Variants in IGDCC4 observed in about 807,000 individuals in gnomAD.
IGDCC4 encodes the protein likely ortholog of mouse neighbor of Punc E11.
IGDCC4 carries 72 observed loss-of-function variants against 116.6 expected under a neutral mutation model. The observed-to-expected ratio is 0.62, with a 90% confidence interval of 0.51 to 0.75. IGDCC4 has a LOEUF of 0.75. Ranked by LOEUF, IGDCC4 falls within the 30% of genes least tolerant of loss-of-function variation. The pLI is 0.00. For missense variants in IGDCC4, 1,501 were observed against 1,662.4 expected (o/e 0.90, Z 1.69); for synonymous variants, 709 against 719.9 (o/e 0.98, Z 0.24).
chr15:65,396,261 G>T (rs753625400), intron 6 of IGDCC4, 98 bp from the exon 7 acceptor site: 3 of 1,073,262 alleles, frequency 2.8e-6, no homozygotes, highest in Admixed American at 3.6e-5. Context: ...GCCCTCCCTC[G>T]CTCCCCTTCC....
In IGDCC4 at chr15:65,411,251, C is replaced by T. The variant is rs949337865; in HGVS notation, c.190G>A (p.Ala64Thr). ...VLNCSLGAAA[A>T]GPPTRVTWSK... ...CAGGTCACCCTGGTGGGGGGTCCAGCGGCAGCAGCCCCCAGGCTACAGTTT... is the reference window on the plus strand; with the variant it reads ...CAGGTCACCCTGGTGGGGGGTCCAGTGGCAGCAGCCCCCAGGCTACAGTTT... The change falls in exon 2 of 20, where the codon GCT becomes ACT. Residue 64 changes from alanine to threonine, a missense_variant. By Grantham distance (58) the Ala-to-Thr change is moderately conservative (BLOSUM62 0). This residue lies in a region of IGDCC4 where 898 missense variants were observed against 978.9 expected (regional missense o/e 0.92). Transcript: ENST00000352385. The T allele has an allele frequency of 8.7e-6, 14 of 1,613,974 alleles. No homozygotes were observed. Among genetic ancestry groups the T allele is most frequent in the East Asian group, 2.2e-5 (1 of 44,896 alleles).
chr15:65,390,529 C>T (rs1324419283), intron 12 of IGDCC4, among the ~76,000 whole-genome samples, 191 bp from the exon 13 acceptor site: 1 of 152,172 alleles, frequency 6.6e-6, no homozygotes, highest in Non-Finnish European at 1.5e-5. Context: ...CTGTGGAACA[C>T]TAGTCTGTAA....
chr15:65,389,254 G>A lies in IGDCC4; in HGVS notation c.2536+30C>T, dbSNP rs768664575. 2.5e-6 allele frequency: 4 copies of A among 1,606,026 alleles called. No homozygotes were observed. In the South Asian group the frequency reaches 4.4e-5, roughly 18 times the overall value. On this transcript the variant is annotated intron_variant, in intron 14 of 19. Coordinates refer to ENST00000352385, the MANE Select transcript of IGDCC4 (RefSeq NM_020962.3). Reference sequence around the variant, plus strand: ...CAAGAAGGAGTTGGGCAAAAGATGGGTTGGTGGCAAGGGGCTGGGAGCCAC... The same window carrying A: ...CAAGAAGGAGTTGGGCAAAAGATGGATTGGTGGCAAGGGGCTGGGAGCCAC...
chr15:65,414,704 T>G (rs1407277273), intron 1 of IGDCC4, among the ~76,000 whole-genome samples: 2 of 152,226 alleles, frequency 1.3e-5, no homozygotes, highest in African/African-American at 4.8e-5. Context: ...TACAGTGACA[T>G]GATCTCAGCT....
chr15:65,399,932 T>C (rs668850), intron 5 of IGDCC4, among the ~76,000 whole-genome samples: 100,991 of 152,058 alleles, frequency 0.66, 34,702 homozygotes, highest in African/African-American at 0.83. Context: ...CAAATGGAAA[T>C]AAAAATAACC....
chr15:65,396,242 C>T, intron 6 of IGDCC4, 79 bp from the exon 7 acceptor site: 1 of 1,287,920 alleles, frequency 7.8e-7, no homozygotes, highest in Non-Finnish European at 1.0e-6. Flanking sequence ...CCCAAGCCTG[C>T]CCCCCACCGC....
chr15:65,411,506 C>T (rs754889757), intron 1 of IGDCC4, 136 bp from the exon 2 acceptor site: 8 of 685,512 alleles, frequency 1.2e-5, no homozygotes, highest in African/African-American at 1.8e-5. Context: ...TCTCCCCTTA[C>T]TAACTGTGAC....
In IGDCC4 at chr15:65,392,262, C is replaced by A; in HGVS notation, c.1994G>T (p.Trp665Leu). ...CTCCTCCTCAGCCCCCACCTCCCGCCAATATAGTTTGTAGCCAGAGATCTG... is the reference window on the plus strand; with the variant it reads ...CTCCTCCTCAGCCCCCACCTCCCGCAAATATAGTTTGTAGCCAGAGATCTG... ...PTQISGYKLYWREVGAEEEAN... is the reference protein window; with the variant it reads ...PTQISGYKLYLREVGAEEEAN... Residue 665 changes from tryptophan (W) to leucine (L), a missense_variant, in exon 11 of 20, where the codon TGG (tryptophan) becomes TTG (leucine). Coordinates refer to ENST00000352385, the MANE Select transcript of IGDCC4 (RefSeq NM_020962.3). The A allele has an allele frequency of 6.2e-7, 1 of 1,610,562 alleles. No individual in the cohort carries two copies. The highest frequency in any genetic ancestry group is 8.5e-7 in the Non-Finnish European group (1 of 1,178,094).
chr15:65,397,013 C>T, intron 5 of IGDCC4, 24 bp from the exon 6 acceptor site: 1 of 1,569,004 alleles, frequency 6.4e-7, no homozygotes. Context: ...GGGAGACGCG[C>T]TGGAGGGGAC....
rs952208845 is a variant in IGDCC4, at chr15:65,386,437, A to G, written c.2951+114T>C. ...CCTTCATCCCAGAGTCCTGACTTTA[A>G]CGGGGCTCCTGGGAGTGCCAAGGGC... is the stretch of plus-strand genomic sequence containing the variant. On this transcript the variant is annotated intron_variant, in intron 17 of 19. Coordinates refer to ENST00000352385, the MANE Select transcript of IGDCC4 (RefSeq NM_020962.3). 21 of 872,440 alleles carry G rather than the reference A, an allele frequency of 2.4e-5. No individual in the cohort carries two copies. The African/African-American group carries it at 2.5e-4, about 10-fold the overall frequency. The allele number at this position is 872,440 out of a possible 1,614,324, so 54.0% of individuals were successfully genotyped here. A position where few individuals can be genotyped will look rare whatever the true frequency, so the allele number is the denominator to read the frequency against.
In IGDCC4 at chr15:65,388,544, G is replaced by A; in HGVS notation, c.2750C>T (p.Thr917Ile). ...SAEVHGLESDTRYFFKMGART... is the reference protein window; with the variant it reads ...SAEVHGLESDIRYFFKMGART... ...CGCCCCCATCTTGAAGAAGTACCGAGTGTCGCTCTCCAGGCCATGGACCTC... is the reference window on the plus strand; with the variant it reads ...CGCCCCCATCTTGAAGAAGTACCGAATGTCGCTCTCCAGGCCATGGACCTC... Residue 917 changes from threonine (T) to isoleucine (I), a missense_variant, in exon 16 of 20, where the codon ACT (threonine) becomes ATT (isoleucine). Thr to Ile is a moderately conservative substitution (Grantham distance 89). Transcript: ENST00000352385. The A allele has an allele frequency of 6.2e-7, 1 of 1,614,166 alleles. No homozygotes were observed. The highest frequency in any genetic ancestry group is 8.5e-7 in the Non-Finnish European group (1 of 1,180,034).
intron 12 of IGDCC4, 82 bp downstream of exon 12, chr15:65,391,798 C>A: frequency 7.8e-7 from 1 of 1,285,684 alleles, no homozygotes; most frequent in South Asian, 1.2e-5. Flanking sequence ...GCTCACCAGG[C>A]TGGCCCAAAG....
intron 4 of IGDCC4, 135 bp from the exon 5 acceptor site, chr15:65,401,081 G>A (rs1363042892): frequency 2.5e-5 from 28 of 1,130,264 alleles, no homozygotes; most frequent in African/African-American, 6.1e-5. Context: ...GATGGGGGAC[G>A]TAGCCATAAA....
chr15:65,398,799 G>C (rs2062953764), intron 5 of IGDCC4, among the ~76,000 whole-genome samples: 1 of 152,094 alleles, frequency 6.6e-6, no homozygotes, highest in Non-Finnish European at 1.5e-5. Context: ...GCTGAGGCAG[G>C]AGAATCGCTT....
chr15:65,384,752 T>G lies in IGDCC4; in HGVS notation c.3342+202A>C. On this transcript the variant is annotated intron_variant, in intron 19 of 19. Transcript: ENST00000352385. The surrounding 1 kb of genome is among the most constrained non-coding windows in gnomAD (Gnocchi z 4.9). ...TAGGTCTGGGTAGAGGAGGGGCTGT[T>G]TTCAACCCAGGTTGAAACAGGTTCC... 1.5e-6 allele frequency: 1 copy of G among 666,708 alleles called. No homozygotes were observed. Among genetic ancestry groups the G allele is most frequent in the Non-Finnish European group, 2.4e-6 (1 of 414,232 alleles). The allele number at this position is 666,708 out of a possible 1,614,324, so 41.3% of individuals were successfully genotyped here.
Position 65,422,882 on chromosome 15 carries a change from C to T in IGDCC4, c.-20G>A. 9.5e-7 allele frequency: 1 copy of T among 1,054,498 alleles called. No homozygotes were observed. Among genetic ancestry groups the T allele is most frequent in the South Asian group, 4.4e-5 (1 of 22,804 alleles). The allele number at this position is 1,054,498 out of a possible 1,614,324, so 65.3% of individuals were successfully genotyped here. A position where few individuals can be genotyped will look rare whatever the true frequency, so the allele number is the denominator to read the frequency against. ...CGCCATGGGGCTGGGCTCGGGCCGC[C>T]GCCGCCGCCGCCGCCTCCCCGTGCT... On this transcript the variant is annotated 5_prime_UTR_variant, in exon 1 of 20. Coordinates refer to ENST00000352385, the MANE Select transcript of IGDCC4 (RefSeq NM_020962.3).
rs59427018 is a variant in IGDCC4, at chr15:65,393,279, G to A, written c.1885+82C>T. 4,908 of 1,427,044 alleles carry A rather than the reference G, an allele frequency of 3.4e-3. 119 individuals carry two copies. In the African/African-American group the frequency reaches 0.05, roughly 15 times the overall value. The allele number at this position is 1,427,044 out of a possible 1,614,324, so 88.4% of individuals were successfully genotyped here. The stretch of plus-strand genomic sequence containing the variant: ...GTCTCTGATGGAGGGCGGGGCCAGG[G>A]GGTGGGGCGCTGGGTCCCAAGGACA... On this transcript the variant is annotated intron_variant, in intron 10 of 19. Coordinates refer to ENST00000352385, the MANE Select transcript of IGDCC4 (RefSeq NM_020962.3). This position sits in a 1 kb window ranked among gnomAD's most constrained non-coding sequence, Gnocchi z 4.6.
At position 65,393,272 on chromosome 15, in the gene IGDCC4, G is replaced by A. The variant is rs2062884361; in HGVS notation, c.1885+89C>T. On this transcript the variant is annotated intron_variant, in intron 10 of 19. Transcript: ENST00000352385. The surrounding 1 kb of genome is among the most constrained non-coding windows in gnomAD (Gnocchi z 4.6). The stretch of plus-strand genomic sequence containing the variant: ...ATGGAAGGTCTCTGATGGAGGGCGG[G>A]GCCAGGGGGTGGGGCGCTGGGTCCC... 2 of 1,393,732 alleles carry A rather than the reference G, an allele frequency of 1.4e-6. No individual in the cohort carries two copies. Among genetic ancestry groups the A allele is most frequent in the Non-Finnish European group, 1.9e-6 (2 of 1,051,824 alleles). The allele number at this position is 1,393,732 out of a possible 1,614,324, so 86.3% of individuals were successfully genotyped here.
intron 3 of IGDCC4, among the ~76,000 whole-genome samples, chr15:65,409,454 C>A (rs542390962): frequency 6.6e-6 from 1 of 152,188 alleles, no homozygotes. Flanking sequence ...ACGTAAGAAT[C>A]CAGGGGGTGA....
Sources: allele counts gnomAD v4.1 joint callset (sites outside exome capture counted in the v4.1 genomes callset), GRCh38; gene constraint gnomAD v4.1.1; regional missense constraint gnomAD v4.1.1; non-coding constraint Gnocchi (gnomAD v3.1); transcripts MANE v1.5; gene names NCBI Gene and HGNC (gene_info 2026-07-23, HGNC 2026-07-21).